The following GRIN2A variants were observed in gnomAD, a reference collection of about 807,000 sequenced individuals.
GRIN2A encodes glutamate receptor ionotropic, NMDA 2A.
A neutral mutation model predicts 113.4 loss-of-function variants in GRIN2A; 22 were observed. That is an observed-to-expected ratio of 0.19 (90% confidence interval 0.14 to 0.28). The LOEUF (loss-of-function observed/expected upper bound fraction) is 0.28, where lower values mean the gene tolerates loss of function less well. Ranked by LOEUF, GRIN2A falls within the 10% of genes least tolerant of loss-of-function variation. GRIN2A has a pLI of 1.00. For synonymous variants in GRIN2A, 827 were observed against 738.4 expected (o/e 1.12, Z -1.94); for missense variants, 1,502 against 1,887.0 (o/e 0.80, Z 3.78).
chr16:10,003,843 T>C (rs2046362086), intron 2 of GRIN2A, among the ~76,000 whole-genome samples: 2 of 152,100 alleles, frequency 1.3e-5, no homozygotes, highest in South Asian at 2.1e-4. Flanking sequence ...AGACTGTGGG[T>C]TCCACAGACT....
At chr16:10,013,203 C>T (rs1274071021) in intron 2 of GRIN2A, among the ~76,000 whole-genome samples, 2 of 152,126 alleles carry the variant, frequency 1.3e-5, no homozygotes, top group East Asian at 1.9e-4. Context: ...TAGATATTTT[C>T]GTGAATACTC....
chr16:9,843,765 G>A (rs1164810679), intron 5 of GRIN2A, among the ~76,000 whole-genome samples: 1 of 152,156 alleles, frequency 6.6e-6, no homozygotes, highest in Non-Finnish European at 1.5e-5. Context: ...CCACATCTGT[G>A]TATATTTACA....
chr16:9,939,720 C>A (rs1026047107), intron 2 of GRIN2A, among the ~76,000 whole-genome samples: 2 of 152,078 alleles, frequency 1.3e-5, no homozygotes, highest in Non-Finnish European at 2.9e-5. Flanking sequence ...TGCATCCTGC[C>A]CCCTTTCTGA....
intron 2 of GRIN2A, among the ~76,000 whole-genome samples, chr16:9,998,605 G>A (rs1020916720): frequency 6.6e-6 from 1 of 152,156 alleles, no homozygotes; most frequent in Non-Finnish European, 1.5e-5. Context: ...CACAAAGTAT[G>A]CTCTTTAAAT....
At chr16:10,035,783 G>C (rs2047014518) in intron 2 of GRIN2A, among the ~76,000 whole-genome samples, 1 of 151,296 alleles carries the variant, frequency 6.6e-6, no homozygotes, top group Non-Finnish European at 1.5e-5. Context: ...GAGTGCAGTG[G>C]TATGATCTTG....
chr16:10,162,387 T>C lies in GRIN2A; in HGVS notation c.414+17611A>G, dbSNP rs975358249. Reference sequence around the variant, plus strand: ...TACCTCCCAACCTCTCTGTATTCATTTTCCCAGGCTGCTGTAACAAAGGAT... The same window carrying C: ...TACCTCCCAACCTCTCTGTATTCATCTTCCCAGGCTGCTGTAACAAAGGAT... On this transcript the variant is annotated intron_variant, in intron 2 of 12. Transcript: ENST00000330684. Among the ~76,000 whole-genome samples the C allele has an allele frequency of 5.2e-4, 79 of 152,196 alleles. 1 individual carries two copies. The highest frequency in any genetic ancestry group is 3.1e-4 in the Non-Finnish European group (21 of 68,030).
intron 2 of GRIN2A, among the ~76,000 whole-genome samples, chr16:10,024,367 T>C (rs1329534857): frequency 1.3e-5 from 2 of 152,128 alleles, no homozygotes; most frequent in Admixed American, 6.5e-5. Context: ...GGATTACAGG[T>C]GTGTGCCACC....
At chr16:9,949,718 C>A (rs549244984) in intron 2 of GRIN2A, among the ~76,000 whole-genome samples, 2 of 146,116 alleles carry the variant, frequency 1.4e-5, no homozygotes, top group African/African-American at 5.1e-5. Flanking sequence ...GATGGATGGA[C>A]GGACAGATAA....
At chr16:9,905,217 T>C (rs950472237) in intron 3 of GRIN2A, among the ~76,000 whole-genome samples, 21 of 152,232 alleles carry the variant, frequency 1.4e-4, no homozygotes, top group African/African-American at 3.4e-4. Context: ...GCAGATCCTA[T>C]GCAAATAATT....
At chr16:9,942,305 T>G (rs138031378) in intron 2 of GRIN2A, among the ~76,000 whole-genome samples, 1 of 152,120 alleles carries the variant, frequency 6.6e-6, no homozygotes, top group Non-Finnish European at 1.5e-5. Flanking sequence ...TGCACCAGCT[T>G]TATAGTTGAA....
At chr16:9,947,087 T>G (rs76928232) in intron 2 of GRIN2A, among the ~76,000 whole-genome samples, 1,615 of 152,328 alleles carry the variant, frequency 0.011, 38 homozygotes, top group African/African-American at 0.037. Flanking sequence ...TGAATCAGAA[T>G]AATTCAAACT....
At chr16:10,071,986 C>A (rs541767513) in intron 2 of GRIN2A, among the ~76,000 whole-genome samples, 3 of 152,206 alleles carry the variant, frequency 2.0e-5, no homozygotes, top group African/African-American at 7.2e-5. Flanking sequence ...AACCAGGCAG[C>A]CTGATTCCAA....
At chr16:10,015,661 T>G (rs2046596246) in intron 2 of GRIN2A, among the ~76,000 whole-genome samples, 1 of 152,238 alleles carries the variant, frequency 6.6e-6, no homozygotes, top group Non-Finnish European at 1.5e-5. Flanking sequence ...CTAAGCATTT[T>G]CACCTGCTTC....
Position 10,093,745 on chromosome 16 carries a change from A to G in GRIN2A, c.414+86253T>C, listed in dbSNP as rs1157469910. Among the ~76,000 whole-genome samples, 3 of 152,338 alleles carry G rather than the reference A, an allele frequency of 2.0e-5. No individual in the cohort carries two copies. In the East Asian group the frequency reaches 5.8e-4, roughly 29 times the overall value. ...TGGTCCCTGCCACTTAAGAACCAGG[A>G]TACAGTTCCTCACCTCTTGACTTTG... On this transcript the variant is annotated intron_variant, in intron 2 of 12. Coordinates refer to ENST00000330684, the MANE Select transcript of GRIN2A (RefSeq NM_001134407.3).
intron 2 of GRIN2A, among the ~76,000 whole-genome samples, chr16:9,958,617 C>G (rs1036815457): frequency 6.6e-6 from 1 of 152,056 alleles, no homozygotes; most frequent in African/African-American, 2.4e-5. Context: ...GATGGAAGCA[C>G]TTTGCCAAAG....
At chr16:10,123,748 G>A (rs569131154) in intron 2 of GRIN2A, among the ~76,000 whole-genome samples, 1 of 152,250 alleles carries the variant, frequency 6.6e-6, no homozygotes, top group Admixed American at 6.5e-5. Flanking sequence ...TTAGCTGGTT[G>A]GTAGGTACCT....
chr16:9,855,890 G>C (rs1187404818), intron 4 of GRIN2A, among the ~76,000 whole-genome samples: 1 of 152,194 alleles, frequency 6.6e-6, no homozygotes, highest in Non-Finnish European at 1.5e-5. Flanking sequence ...AATTCTCCAT[G>C]CTGCACAAAA....
intron 2 of GRIN2A, among the ~76,000 whole-genome samples, chr16:10,106,560 G>C (rs891399959): frequency 6.6e-6 from 1 of 152,088 alleles, no homozygotes; most frequent in Non-Finnish European, 1.5e-5. Flanking sequence ...TTGAAGATAG[G>C]GAGCGTGACT....
intron 4 of GRIN2A, among the ~76,000 whole-genome samples, chr16:9,885,167 T>C (rs1297700103): frequency 6.6e-6 from 1 of 152,148 alleles, no homozygotes; most frequent in African/African-American, 2.4e-5. Context: ...CTACACATCC[T>C]TGTAGCATCC....
Sources: gnomAD v4.1 joint callset for allele counts (sites outside exome capture counted in the v4.1 genomes callset) on GRCh38, gnomAD v4.1.1 for gene constraint, MANE v1.5 for transcripts, NCBI Gene and HGNC (gene_info 2026-07-23, HGNC 2026-07-21) for gene names.